CLNK: variants seen among roughly 807,000 people sequenced by gnomAD.
The protein encoded by CLNK is cytokine-dependent hematopoietic cell linker.
In CLNK, 74 loss-of-function variants were observed where a neutral mutation model predicts 68.6. That is an observed-to-expected ratio of 1.08 (90% CI 0.89 to 1.31). The LOEUF is 1.31. CLNK is among the 50% of genes most tolerant of loss of function. The pLI, the probability that CLNK is intolerant of heterozygous loss-of-function variation, is 0.00. For synonymous variants in CLNK, 198 were observed against 172.2 expected (o/e 1.15, Z -1.17); for missense variants, 553 against 515.3 (o/e 1.07, Z -0.71).
chr4:10,666,389 T>C (rs1416146495), intron 2 of CLNK, among the ~76,000 whole-genome samples: 2 of 152,244 alleles, frequency 1.3e-5, no homozygotes, highest in African/African-American at 4.8e-5. Context: ...CAGTGCTAAT[T>C]TGGGTCTGAG....
At chr4:10,606,089 A>G (rs1251976163) in intron 2 of CLNK, among the ~76,000 whole-genome samples, 1 of 152,232 alleles carries the variant, frequency 6.6e-6, no homozygotes, top group Admixed American at 6.5e-5. Context: ...TTCAATTTAA[A>G]AATGTTGACT....
At chr4:10,510,621 A>G (rs1253141557) in intron 16 of CLNK, among the ~76,000 whole-genome samples, 1 of 152,156 alleles carries the variant, frequency 6.6e-6, no homozygotes, top group African/African-American at 2.4e-5. Flanking sequence ...CGGCACTAAC[A>G]TCTATCCAGA....
Position 10,542,295 on chromosome 4 carries a change from G to C in CLNK, c.446-15C>G, listed in dbSNP as rs1273020231. On this transcript the variant is annotated splice_polypyrimidine_tract_variant and intron_variant, in intron 8 of 18. Coordinates refer to ENST00000226951, the MANE Select transcript of CLNK (RefSeq NM_052964.4). ...GGATGCATCTCCTAAAACATAAGAG[G>C]GAATAGCAGTGAATTTATGGAAAAT... The C allele has an allele frequency of 4.0e-6, 6 of 1,517,272 alleles. No individual in the cohort carries two copies. The highest frequency in any genetic ancestry group is 5.4e-6 in the Non-Finnish European group (6 of 1,110,148). The allele number at this position is 1,517,272 out of a possible 1,614,324, so 94.0% of individuals were successfully genotyped here. A position where few individuals can be genotyped will look rare whatever the true frequency, so the allele number is the denominator to read the frequency against.
Position 10,506,645 on chromosome 4 carries a change from C to T in CLNK, c.984+1314G>A, listed in dbSNP as rs147890998. ...CCCCTTCTATTGTGACCTCTATAGT[C>T]CAGTTTCCAGATTTCATCTTCAAAA... On this transcript the variant is annotated intron_variant, in intron 17 of 18. Transcript: ENST00000226951. Among the ~76,000 whole-genome samples the T allele has an allele frequency of 6.0e-3, 908 of 152,218 alleles. 8 individuals carry two copies. The highest frequency in any genetic ancestry group is 0.021 in the African/African-American group (871 of 41,528).
intron 16 of CLNK, among the ~76,000 whole-genome samples, chr4:10,512,844 C>G (rs1024594743): frequency 1.3e-5 from 2 of 151,042 alleles, no homozygotes; most frequent in Admixed American, 6.6e-5. Context: ...CTTTATCCCC[C>G]CCACCATAGG....
chr4:10,647,044 G>T (rs1169912131), intron 2 of CLNK, among the ~76,000 whole-genome samples: 1 of 152,146 alleles, frequency 6.6e-6, no homozygotes, highest in African/African-American at 2.4e-5. Context: ...CCCAGGCGAT[G>T]CTGTCATTTG....
chr4:10,490,566 G>T lies in CLNK; in HGVS notation c.1188C>A (p.Pro396=). Residue 396 remains proline, a synonymous_variant, in exon 19 of 19, where the codon CCC becomes CCA. Transcript: ENST00000226951. The part of the protein sequence containing the change: ...EDIIEHYKNF[P]IILIDGKDKT... ...TATCTTTCCCATCAATTAGTATAAT[G>T]GGAAAATTCTTGTAGTGTTCGATGA... 6.3e-7 allele frequency: 1 copy of T among 1,595,226 alleles called. No homozygotes were observed. The highest frequency in any genetic ancestry group is 8.5e-7 in the Non-Finnish European group (1 of 1,170,318).
At chr4:10,545,998 TC>T (rs1209106175) in intron 8 of CLNK, among the ~76,000 whole-genome samples, 1 of 152,080 alleles carries the variant, frequency 6.6e-6, no homozygotes, top group Non-Finnish European at 1.5e-5. Context: ...CCCAGTCCTA[TC>T]CCCTGAAACC....
chr4:10,523,682 T>G (rs1466961161), intron 14 of CLNK, among the ~76,000 whole-genome samples: 2 of 152,204 alleles, frequency 1.3e-5, no homozygotes, highest in East Asian at 3.8e-4. Flanking sequence ...GAGCTTGTTA[T>G]TTTTTCACTA....
chr4:10,527,746 G>A (rs1246555022), intron 13 of CLNK, among the ~76,000 whole-genome samples: 2 of 152,190 alleles, frequency 1.3e-5, no homozygotes, highest in South Asian at 2.1e-4. Flanking sequence ...CAGAGGCAGA[G>A]ATCCCAAGAG....
chr4:10,619,965 T>C (rs961623834), intron 2 of CLNK, among the ~76,000 whole-genome samples: 5 of 152,176 alleles, frequency 3.3e-5, no homozygotes, highest in African/African-American at 1.2e-4. Flanking sequence ...TGGGTTTCAA[T>C]GGTACAGAAA....
chr4:10,541,891 TCC>T, intron 10 of CLNK, 129 bp downstream of exon 10: 1 of 699,598 alleles, frequency 1.4e-6, no homozygotes, highest in Non-Finnish European at 2.4e-6. Context: ...TTTTTTTTTT[TCC>T]ACATCCGTCT....
At chr4:10,699,460 C>CTCTCTG in the CLNK span, among the ~76,000 whole-genome samples, 43 of 45,886 alleles carry the variant, frequency 9.4e-4, no homozygotes, top group African/African-American at 1.3e-3. Flanking sequence ...TATGTACATC[C>CTCTCTG]TCTCTGTCTC....
intron 2 of CLNK, among the ~76,000 whole-genome samples, chr4:10,612,146 G>A (rs1722056961): frequency 6.6e-6 from 1 of 152,248 alleles, no homozygotes; most frequent in African/African-American, 2.4e-5. Context: ...TGTTGAGAGA[G>A]CTGAAGAAAC....
chr4:10,547,088 C>T (rs1719260987), intron 8 of CLNK, among the ~76,000 whole-genome samples: 1 of 152,114 alleles, frequency 6.6e-6, no homozygotes. Context: ...ATCCAATTAC[C>T]CCTTTATGCC....
the CLNK span, among the ~76,000 whole-genome samples, chr4:10,728,937 C>T: frequency 1.3e-5 from 2 of 152,020 alleles, no homozygotes; most frequent in African/African-American, 4.8e-5. Flanking sequence ...TGATATTATT[C>T]TTGACTTGTA....
intron 2 of CLNK, among the ~76,000 whole-genome samples, chr4:10,665,644 C>G (rs1276284059): frequency 8.1e-6 from 1 of 122,998 alleles, no homozygotes; most frequent in Admixed American, 1.1e-4. Context: ...AGCCTGGTGA[C>G]AGAGCAAGAC....
In CLNK at chr4:10,502,828, G is replaced by A. The variant is rs1461709000; in HGVS notation, c.985-1417C>T. 2.0e-5 allele frequency among the ~76,000 whole-genome samples: 3 copies of A among 151,996 alleles called. No individual in the cohort carries two copies. The East Asian group carries it at 5.8e-4, about 29-fold the overall frequency. ...GGGCAAGGAAGCAAAGACAGAAAAG[G>A]CCCGGAGATGCCTGAAAGATGACGG... On this transcript the variant is annotated intron_variant, in intron 17 of 18. Transcript: ENST00000226951.
chr4:10,693,533 G>T, the CLNK span, among the ~76,000 whole-genome samples: 1 of 152,174 alleles, frequency 6.6e-6, no homozygotes, highest in Non-Finnish European at 1.5e-5. Flanking sequence ...GGGCAAGGAA[G>T]TGTCCTCCCC....
Sources: gnomAD v4.1 joint callset for allele counts (sites outside exome capture counted in the v4.1 genomes callset) on GRCh38, gnomAD v4.1.1 for gene constraint, MANE v1.5 for transcripts, NCBI Gene and HGNC (gene_info 2026-07-23, HGNC 2026-07-21) for gene names.